The following FKBP15 variants were observed in gnomAD, a reference collection of about 807,000 sequenced individuals.
FKBP15 encodes the protein FK506-binding protein 15.
FKBP15 carries 106 observed loss-of-function variants against 158.1 expected under a neutral mutation model. The observed-to-expected ratio is 0.67, with a 90% CI of 0.57 to 0.79. FKBP15 has a LOEUF of 0.79. FKBP15 is among the 30% of genes least tolerant of loss of function. The probability of loss-of-function intolerance (pLI) is 0.00; values close to 1 mark genes in which losing one functional copy is unlikely to be tolerated. For missense variants in FKBP15, 1,287 were observed against 1,479.1 expected (o/e 0.87, Z 2.13); for synonymous variants, 547 against 548.6 (o/e 1.00, Z 0.04).
chr9:113,188,708 G>C (rs1279079596), intron 12 of FKBP15: 1 of 506,076 alleles, frequency 2.0e-6, no homozygotes, highest in African/African-American at 1.9e-5. Context: ...TAATCATATT[G>C]AATAAGTAAA....
intron 1 of FKBP15, among the ~76,000 whole-genome samples, chr9:113,216,135 A>C (rs1831129270): frequency 6.6e-6 from 1 of 152,002 alleles, no homozygotes; most frequent in Non-Finnish European, 1.5e-5. Context: ...ACCGAAAAAA[A>C]AAAAAAGGGG....
intron 1 of FKBP15, among the ~76,000 whole-genome samples, chr9:113,218,733 G>A (rs1237495178): frequency 1.3e-5 from 2 of 152,112 alleles, no homozygotes; most frequent in East Asian, 1.9e-4. Context: ...TTATTGAATA[G>A]GTTGGGGTAT....
At chr9:113,175,953 T>C (rs1353089174) in intron 21 of FKBP15, among the ~76,000 whole-genome samples, 1 of 152,170 alleles carries the variant, frequency 6.6e-6, no homozygotes. Context: ...CTGGTAATAT[T>C]TATAAAAATT....
At chr9:113,170,371 G>A in intron 25 of FKBP15, 151 bp downstream of exon 25, 2 of 638,676 alleles carry the variant, frequency 3.1e-6, no homozygotes, top group Admixed American at 2.8e-5. Flanking sequence ...GCCTCAAGCA[G>A]TCCTCCCACC....
At chr9:113,201,042 CAAA>C (rs11339384) in intron 6 of FKBP15, among the ~76,000 whole-genome samples, 9 of 96,270 alleles carry the variant, frequency 9.3e-5, no homozygotes, top group East Asian at 9.3e-4. Flanking sequence ...GACTCTGTCT[CAAA>C]AAAAAAAAAA....
intron 19 of FKBP15, among the ~76,000 whole-genome samples, chr9:113,180,877 G>A (rs553100468): frequency 6.6e-6 from 1 of 152,258 alleles, no homozygotes; most frequent in African/African-American, 2.4e-5. Context: ...TATTCATTGA[G>A]CCCTTAACCA....
chr9:113,174,559 A>G lies in FKBP15; in HGVS notation c.2248T>C (p.Ser750Pro). ...EKNLSERKKK[S>P]AQERSQAEEE... ...TCGGCCTGAGAACGCTCTTGAGCTG[A>G]CTTCTTTTTCCTTTCTGAGAGGTTC... Residue 750 changes from serine (S) to proline (P), a missense_variant, in exon 22 of 28, where the codon TCA becomes CCA. Ser to Pro is a moderately conservative substitution (Grantham distance 74). Coordinates refer to ENST00000238256, the MANE Select transcript of FKBP15 (RefSeq NM_015258.2). 1 of 1,613,756 alleles carries G rather than the reference A, an allele frequency of 6.2e-7. No individual in the cohort carries two copies. Among genetic ancestry groups the G allele is most frequent in the Non-Finnish European group, 8.5e-7 (1 of 1,179,814 alleles).
At chr9:113,205,720 A>G (rs1331646995) in intron 4 of FKBP15, among the ~76,000 whole-genome samples, 1 of 152,202 alleles carries the variant, frequency 6.6e-6, no homozygotes, top group Non-Finnish European at 1.5e-5. Context: ...TCTTCACGAT[A>G]CATACTTTTT....
At chr9:113,207,682 T>C (rs767624412) in intron 2 of FKBP15, among the ~76,000 whole-genome samples, 2 of 152,166 alleles carry the variant, frequency 1.3e-5, no homozygotes, top group African/African-American at 4.8e-5. Flanking sequence ...AATTGATCTT[T>C]ATAATTTACA....
In FKBP15 at chr9:113,161,373, G is replaced by T; in HGVS notation, c.*4705C>A. 1.3e-6 allele frequency: 1 copy of T among 797,966 alleles called. No homozygotes were observed. The highest frequency in any genetic ancestry group is 2.1e-6 in the Non-Finnish European group (1 of 486,862). The allele number at this position is 797,966 out of a possible 1,614,324, so 49.4% of individuals were successfully genotyped here. On this transcript the variant is annotated 3_prime_UTR_variant, in exon 28 of 28. Coordinates refer to ENST00000238256, the MANE Select transcript of FKBP15 (RefSeq NM_015258.2). ...AAAGTCTGGTGAAGACAGTGAAGAA[G>T]TTCGGAACTCAGCAAGGGTGGGGAA...
Position 113,169,311 on chromosome 9 carries a change from C to G in FKBP15, c.3398G>C (p.Gly1133Ala), listed in dbSNP as rs1830160149. ...LKKDDVTSSTGPHKELSSTEA... is the reference protein window; with the variant it reads ...LKKDDVTSSTAPHKELSSTEA... ...TGTGCTTGACAGCTCCTTGTGGGGA[C>G]CGGTGGAGCTAGTGACATCATCTTT... Residue 1133 changes from glycine (G) to alanine (A), a missense_variant, in exon 26 of 28, where the codon GGT becomes GCT. By Grantham distance (60) the Gly-to-Ala change is moderately conservative. Transcript: ENST00000238256. The G allele has an allele frequency of 1.2e-6, 2 of 1,613,912 alleles. No individual in the cohort carries two copies. Among genetic ancestry groups the G allele is most frequent in the Admixed American group, 1.7e-5 (1 of 60,012 alleles).
At position 113,161,502 on chromosome 9, in the gene FKBP15, T is replaced by G; in HGVS notation, c.*4576A>C. ...CCAGGTCTCCACAACTCTGCCTCCT[T>G]TGACAGGCATGGCCCTTTCGGTGTT... is the stretch of plus-strand genomic sequence containing the variant. On this transcript the variant is annotated 3_prime_UTR_variant, in exon 28 of 28. Coordinates refer to ENST00000238256, the MANE Select transcript of FKBP15 (RefSeq NM_015258.2). 6.2e-7 allele frequency: 1 copy of G among 1,613,644 alleles called. No homozygotes were observed. The highest frequency in any genetic ancestry group is 8.5e-7 in the Non-Finnish European group (1 of 1,179,748).
At chr9:113,174,296 T>C in intron 22 of FKBP15, 132 bp downstream of exon 22, 1 of 935,720 alleles carries the variant, frequency 1.1e-6, no homozygotes, top group East Asian at 2.7e-5. Context: ...TTACTTTTTC[T>C]ACCTTTCTCC....
intron 3 of FKBP15, 189 bp downstream of exon 3, chr9:113,207,023 G>C (rs1344882018): frequency 1.8e-6 from 1 of 567,690 alleles, no homozygotes; most frequent in Non-Finnish European, 3.2e-6. Context: ...AAAGACAGTA[G>C]ACAAGATAAT....
intron 11 of FKBP15, 81 bp downstream of exon 11, chr9:113,193,411 G>T: frequency 1.7e-6 from 2 of 1,166,262 alleles, no homozygotes; most frequent in Non-Finnish European, 2.5e-6. Flanking sequence ...CTGCACTGTA[G>T]TGATCCTCCT....
At chr9:113,188,348 G>A (rs763085982) in intron 13 of FKBP15, 41 bp downstream of exon 13, 1 of 1,452,798 alleles carries the variant, frequency 6.9e-7, no homozygotes, top group Non-Finnish European at 9.7e-7. Context: ...TTTTCATGCT[G>A]ACCCAGTTCA....
rs753282209 is a variant in FKBP15 at position 113,174,466 on chromosome 9, T to C, written c.2341A>G (p.Lys781Glu). Residue 781 changes from lysine to glutamate, a missense_variant, in exon 22 of 28, where the codon AAG becomes GAG. Coordinates refer to ENST00000238256, the MANE Select transcript of FKBP15 (RefSeq NM_015258.2). ...ELDKLRQLLKKTRVSTDQAAA... is the reference protein window; with the variant it reads ...ELDKLRQLLKETRVSTDQAAA... ...GCTTGGTCTGTGGACACTCGAGTCTTTTTCAAGAGCTGTCGAAGTTTGTCC... is the reference window on the plus strand; with the variant it reads ...GCTTGGTCTGTGGACACTCGAGTCTCTTTCAAGAGCTGTCGAAGTTTGTCC... 3 of 1,614,024 alleles carry C rather than the reference T, an allele frequency of 1.9e-6. No homozygotes were observed. The highest frequency in any genetic ancestry group is 2.5e-6 in the Non-Finnish European group (3 of 1,179,888).
intron 2 of FKBP15, among the ~76,000 whole-genome samples, chr9:113,207,758 T>C (rs1830920460): frequency 6.6e-6 from 1 of 152,176 alleles, no homozygotes; most frequent in East Asian, 1.9e-4. Context: ...TGATCTAGTC[T>C]GGGGGTGAAG....
chr9:113,192,163 G>A (rs1483052886), intron 11 of FKBP15, among the ~76,000 whole-genome samples: 1 of 152,048 alleles, frequency 6.6e-6, no homozygotes, highest in African/African-American at 2.4e-5. Context: ...CCATTTTTGT[G>A]ACTGTTCAAA....
Sources: allele counts gnomAD v4.1 joint callset (sites outside exome capture counted in the v4.1 genomes callset), GRCh38; gene constraint gnomAD v4.1.1; transcripts MANE v1.5; gene names NCBI Gene and HGNC (gene_info 2026-07-23, HGNC 2026-07-21).